Variants in ABI3BP observed in about 807,000 individuals in gnomAD.
The protein encoded by ABI3BP is target of Nesh-SH3.
In ABI3BP, 216 loss-of-function variants were observed where a neutral mutation model predicts 268.6. The observed-to-expected ratio is 0.80, with a 90% CI of 0.72 to 0.90. The LOEUF (loss-of-function observed/expected upper bound fraction) is 0.90. ABI3BP is among the 40% of genes least tolerant of loss of function. The probability of loss-of-function intolerance (pLI) is 0.00; values close to 1 mark genes in which losing one functional copy is unlikely to be tolerated. For missense variants in ABI3BP, 2,090 were observed against 2,182.4 expected, an observed-to-expected ratio of 0.96 and a Z score of 0.84; for synonymous variants, 730 against 730.0, an observed-to-expected ratio of 1.00 and a Z score of 0.00.
chr3:100,982,643 A>G (rs2090103581), intron 1 of ABI3BP, among the ~76,000 whole-genome samples: 1 of 152,054 alleles, frequency 6.6e-6, no homozygotes, highest in African/African-American at 2.4e-5. Context: ...TAACAAAACT[A>G]CAAATTAGGT....
At chr3:100,811,905 T>C (rs928102068) in intron 46 of ABI3BP, 106 bp from the exon 47 acceptor site, 40 of 813,730 alleles carry the variant, frequency 4.9e-5, no homozygotes, top group African/African-American at 6.9e-5. Context: ...CTTAAGCAGA[T>C]ATATTCTTGA....
intron 54 of ABI3BP, among the ~76,000 whole-genome samples, chr3:100,794,482 G>A (rs1163869671): frequency 6.6e-6 from 1 of 151,858 alleles, no homozygotes; most frequent in African/African-American, 2.4e-5. Flanking sequence ...GCCCTCTAGT[G>A]TAAGGACTCC....
At chr3:100,923,414 A>G (rs1311988013) in intron 2 of ABI3BP, among the ~76,000 whole-genome samples, 2 of 152,234 alleles carry the variant, frequency 1.3e-5, no homozygotes, top group Non-Finnish European at 2.9e-5. Context: ...CTTGACTTTA[A>G]GAAGTTTTCA....
In ABI3BP at chr3:100,805,814, A is replaced by G. The variant is rs2097689441; in HGVS notation, c.3683-948T>C. Among the ~76,000 whole-genome samples, 6 of 152,166 alleles carry G rather than the reference A, an allele frequency of 3.9e-5. No homozygotes were observed. In the South Asian group the frequency reaches 8.3e-4, roughly 21 times the overall value. On this transcript the variant is annotated intron_variant, in intron 50 of 67. Transcript: ENST00000471714. ...CAATAAACCTGCCCTAACTCAAGAT[A>G]TGGTTATAAGAATCCAATGTGAAAT... is the stretch of plus-strand genomic sequence containing the variant.
At chr3:100,891,480 A>C (rs2044625399) in intron 4 of ABI3BP, among the ~76,000 whole-genome samples, 1 of 152,238 alleles carries the variant, frequency 6.6e-6, no homozygotes, top group African/African-American at 2.4e-5. Flanking sequence ...AAATTTTGAC[A>C]ACCCTATGAT....
At chr3:100,827,372 C>CTATTATTTCTA (rs1297202102) in intron 34 of ABI3BP, among the ~76,000 whole-genome samples, 6 of 151,978 alleles carry the variant, frequency 3.9e-5, no homozygotes, top group Non-Finnish European at 7.4e-5. Context: ...GTATGTGAGT[C>CTATTATTTCTA]TATTATTTCT....
At chr3:100,909,366 A>C (rs182547975) in intron 2 of ABI3BP, among the ~76,000 whole-genome samples, 1 of 152,296 alleles carries the variant, frequency 6.6e-6, no homozygotes, top group Admixed American at 6.5e-5. Flanking sequence ...CTTCATGACT[A>C]AAACACCAAA....
chr3:100,896,150 C>T (rs899994661), intron 4 of ABI3BP, among the ~76,000 whole-genome samples: 4 of 152,052 alleles, frequency 2.6e-5, no homozygotes, highest in East Asian at 1.9e-4. Context: ...ATGAAATTAT[C>T]GATTTTGAAT....
At chr3:100,936,860 TTC>T (rs1478495252) in intron 1 of ABI3BP, among the ~76,000 whole-genome samples, 5 of 152,146 alleles carry the variant, frequency 3.3e-5, no homozygotes, top group Non-Finnish European at 5.9e-5. Context: ...TATTTGATTC[TTC>T]TCTCTTTTCA....
chr3:100,935,583 CA>C (rs2065702854), intron 1 of ABI3BP, among the ~76,000 whole-genome samples: 1 of 152,162 alleles, frequency 6.6e-6, no homozygotes, highest in South Asian at 2.1e-4. Flanking sequence ...TGGCCATTTT[CA>C]CGATATTGAT....
chr3:100,860,958 A>G (rs1230139585), intron 14 of ABI3BP, among the ~76,000 whole-genome samples: 1 of 152,182 alleles, frequency 6.6e-6, no homozygotes, highest in Non-Finnish European at 1.5e-5. Flanking sequence ...CATAATTACA[A>G]TGCAGCTGCA....
chr3:100,926,725 C>G (rs2576376), intron 1 of ABI3BP, among the ~76,000 whole-genome samples: 152,264 of 152,294 alleles, frequency 1, 76,117 homozygotes, highest in Non-Finnish European at 1. Flanking sequence ...CAGGTAGATG[C>G]AATTTGGTTT....
chr3:100,777,134 T>A (rs1223561400), intron 59 of ABI3BP, among the ~76,000 whole-genome samples: 1 of 152,228 alleles, frequency 6.6e-6, no homozygotes, highest in African/African-American at 2.4e-5. Flanking sequence ...TGGGACGTCC[T>A]ACAAGCTCCA....
intron 1 of ABI3BP, among the ~76,000 whole-genome samples, chr3:100,988,387 C>A (rs968910572): frequency 6.6e-6 from 1 of 152,152 alleles, no homozygotes; most frequent in Non-Finnish European, 1.5e-5. Context: ...AGCACAGTTA[C>A]ATCTTGTATG....
intron 1 of ABI3BP, among the ~76,000 whole-genome samples, chr3:100,991,737 TAAAC>T (rs2092956840): frequency 6.6e-6 from 1 of 152,198 alleles, no homozygotes; most frequent in South Asian, 2.1e-4. Flanking sequence ...ATTTTTTAAA[TAAAC>T]AACAAAAGTT....
chr3:100,821,013 A>T, intron 39 of ABI3BP, 41 bp downstream of exon 39: 1 of 1,492,146 alleles, frequency 6.7e-7, no homozygotes, highest in Non-Finnish European at 9.0e-7. Flanking sequence ...TTTGACGATG[A>T]GAAGGAAGAA....
chr3:100,965,746 T>A (rs1020807670), intron 1 of ABI3BP, among the ~76,000 whole-genome samples: 9 of 151,936 alleles, frequency 5.9e-5, no homozygotes, highest in Admixed American at 5.9e-4. Context: ...GGTGGTGGCC[T>A]TGGGGATCGT....
chr3:100,828,979 C>T (rs986463083), intron 33 of ABI3BP, among the ~76,000 whole-genome samples: 1 of 152,052 alleles, frequency 6.6e-6, no homozygotes, highest in African/African-American at 2.4e-5. Context: ...GACACCTCAA[C>T]GAAATGTTCT....
intron 63 of ABI3BP, among the ~76,000 whole-genome samples, chr3:100,761,059 T>C (rs1198626565): frequency 2.0e-5 from 3 of 152,144 alleles, no homozygotes; most frequent in Admixed American, 6.5e-5. Flanking sequence ...CCCCAGTGTC[T>C]GCTGTTCCCC....
Sources: gnomAD v4.1 joint callset for allele counts (sites outside exome capture counted in the v4.1 genomes callset) on GRCh38, gnomAD v4.1.1 for gene constraint, MANE v1.5 for transcripts, NCBI Gene and HGNC (gene_info 2026-07-23, HGNC 2026-07-21) for gene names.